Variants in AKAP19 observed in about 807,000 individuals in gnomAD.
AKAP19 encodes the protein A-kinase anchoring protein 19, also known as small A-kinase anchoring protein.
chr2:190,133,191 T>TTG, the AKAP19 span, among the ~76,000 whole-genome samples: 1 of 122,474 alleles, frequency 8.2e-6, no homozygotes, highest in Non-Finnish European at 1.6e-5. Context: ...TGGGCCGAGA[T>TTG]CACGCCACTG....
At chr2:190,200,815 G>GTGTT in the AKAP19 span, 2 of 167,212 alleles carry the variant, frequency 1.2e-5, no homozygotes, top group Non-Finnish European at 1.5e-5. Flanking sequence ...CATGACATTA[G>GTGTT]TGTTTATTGC....
At chr2:190,020,699 T>C in the AKAP19 span, among the ~76,000 whole-genome samples, 1 of 152,158 alleles carries the variant, frequency 6.6e-6, no homozygotes, top group South Asian at 2.1e-4. Context: ...TCTCCAGAAC[T>C]TTTTCATCTT....
the AKAP19 span, among the ~76,000 whole-genome samples, chr2:190,139,794 G>A: frequency 1.2e-4 from 18 of 151,988 alleles, no homozygotes; most frequent in African/African-American, 3.6e-4. Flanking sequence ...TTCCTCCCCC[G>A]GCCCCTCCCA....
chr2:189,919,548 C>T, the AKAP19 span, among the ~76,000 whole-genome samples: 3 of 152,040 alleles, frequency 2.0e-5, no homozygotes, highest in Admixed American at 6.6e-5. Context: ...CCCTTACCCC[C>T]ACTCCCCAAC....
At chr2:190,115,389 G>C in the AKAP19 span, among the ~76,000 whole-genome samples, 1 of 111,224 alleles carries the variant, frequency 9.0e-6, no homozygotes, top group Non-Finnish European at 1.7e-5. Context: ...GCGCAATCTC[G>C]GCTCACTGCA....
At chr2:190,066,360 A>G in the AKAP19 span, among the ~76,000 whole-genome samples, 2 of 152,208 alleles carry the variant, frequency 1.3e-5, no homozygotes, top group Non-Finnish European at 2.9e-5. Context: ...TACTGAGTGT[A>G]CTAATGTAAA....
the AKAP19 span, among the ~76,000 whole-genome samples, chr2:190,023,322 T>C: frequency 6.6e-6 from 1 of 152,152 alleles, no homozygotes; most frequent in Non-Finnish European, 1.5e-5. Flanking sequence ...AAAGTAGTAG[T>C]GGATCCATAG....
chr2:190,023,289 A>G, the AKAP19 span, among the ~76,000 whole-genome samples: 1 of 152,124 alleles, frequency 6.6e-6, no homozygotes, highest in Non-Finnish European at 1.5e-5. Flanking sequence ...GTTTATCTCA[A>G]GTTGAAGAAC....
At chr2:190,100,758 A>G in the AKAP19 span, among the ~76,000 whole-genome samples, 1 of 152,238 alleles carries the variant, frequency 6.6e-6, no homozygotes, top group South Asian at 2.1e-4. Flanking sequence ...GCAAGATAGT[A>G]CATAAAGATC....
At chr2:190,170,570 G>A in the AKAP19 span, among the ~76,000 whole-genome samples, 2 of 152,008 alleles carry the variant, frequency 1.3e-5, no homozygotes, top group Admixed American at 6.5e-5. Context: ...CTCCTCACCC[G>A]CTGCCTCCCA....
chr2:189,974,290 T>G, the AKAP19 span, among the ~76,000 whole-genome samples: 5 of 152,348 alleles, frequency 3.3e-5, no homozygotes, highest in African/African-American at 4.8e-5. Context: ...TGAACGGTTT[T>G]GAGTGAGTTT....
the AKAP19 span, among the ~76,000 whole-genome samples, chr2:189,934,558 TA>T: frequency 6.6e-6 from 1 of 151,928 alleles, no homozygotes; most frequent in Non-Finnish European, 1.5e-5. Flanking sequence ...CAATTACCTA[TA>T]TTTAAATCTA....
At chr2:189,979,688 A>C in the AKAP19 span, among the ~76,000 whole-genome samples, 1 of 152,202 alleles carries the variant, frequency 6.6e-6, no homozygotes, top group African/African-American at 2.4e-5. Context: ...CATAGGAGTA[A>C]TACTTAGAAT....
the AKAP19 span, among the ~76,000 whole-genome samples, chr2:190,096,748 A>G: frequency 3.5e-4 from 53 of 152,302 alleles, no homozygotes; most frequent in Admixed American, 7.8e-4. Flanking sequence ...AGGCTGGGAA[A>G]TCCAAGATCA....
the AKAP19 span, among the ~76,000 whole-genome samples, chr2:190,038,700 C>T: frequency 2.1e-4 from 32 of 152,302 alleles, no homozygotes; most frequent in Non-Finnish European, 3.4e-4. Context: ...TCCCAATATA[C>T]TAGGTGGTGC....
the AKAP19 span, among the ~76,000 whole-genome samples, chr2:189,953,457 A>G: frequency 6.6e-6 from 1 of 151,916 alleles, no homozygotes; most frequent in Non-Finnish European, 1.5e-5. Flanking sequence ...CAACATGGTG[A>G]AACCCTGTCT....
the AKAP19 span, among the ~76,000 whole-genome samples, chr2:189,883,602 C>A: frequency 6.7e-6 from 1 of 148,808 alleles, no homozygotes; most frequent in South Asian, 2.1e-4. Context: ...TACCTCTGAA[C>A]TAGCTCACTT....
chr2:189,924,902 A>C, the AKAP19 span, among the ~76,000 whole-genome samples: 1 of 152,190 alleles, frequency 6.6e-6, no homozygotes, highest in African/African-American at 2.4e-5. Context: ...AAATAAATAA[A>C]TAAATAAAAA....
the AKAP19 span, among the ~76,000 whole-genome samples, chr2:190,081,387 G>T: frequency 6.6e-6 from 1 of 151,984 alleles, no homozygotes; most frequent in African/African-American, 2.4e-5. Context: ...CCCATACCCT[G>T]TGACTCCATG....
Sources: allele counts gnomAD v4.1 joint callset (sites outside exome capture counted in the v4.1 genomes callset), GRCh38; gene constraint gnomAD v4.1.1; transcripts MANE v1.5; gene names NCBI Gene and HGNC (gene_info 2026-07-23, HGNC 2026-07-21).